Variants in TASP1 observed in about 807,000 individuals in gnomAD.
The protein encoded by TASP1 is threonine aspartase 1.
In TASP1, 16 loss-of-function variants were observed where a neutral mutation model predicts 56.6. That is an observed-to-expected ratio of 0.28 (90% CI 0.19 to 0.43). TASP1 has a LOEUF of 0.43. Among genes scored for constraint, TASP1 ranks in the 20% least tolerant of loss-of-function variants. The probability of loss-of-function intolerance (pLI) is 1.00; values close to 1 mark genes in which losing one functional copy is unlikely to be tolerated. For missense variants in TASP1, 393 were observed against 511.6 expected, an observed-to-expected ratio of 0.77 and a Z score of 2.24; for synonymous variants, 179 against 184.2, an observed-to-expected ratio of 0.97 and a Z score of 0.23.
chr20:13,256,942 G>A, the TASP1 span, among the ~76,000 whole-genome samples: 5 of 152,182 alleles, frequency 3.3e-5, no homozygotes, highest in Non-Finnish European at 7.3e-5. Flanking sequence ...TGTCACTAGG[G>A]AAGATAGGAG....
chr20:13,578,648 G>A (rs1043402733), intron 6 of TASP1, among the ~76,000 whole-genome samples: 1 of 151,832 alleles, frequency 6.6e-6, no homozygotes, highest in Admixed American at 6.6e-5. Context: ...ATGTGACATC[G>A]GAATTTAATG....
At chr20:13,394,171 C>CATG (rs2041414160) in intron 13 of TASP1, among the ~76,000 whole-genome samples, 1 of 149,692 alleles carries the variant, frequency 6.7e-6, no homozygotes, top group Admixed American at 6.6e-5. Context: ...GTAATCCCAG[C>CATG]TACTCCGGAG....
At chr20:13,358,878 A>G in the TASP1 span, among the ~76,000 whole-genome samples, 1 of 148,402 alleles carries the variant, frequency 6.7e-6, no homozygotes, top group Non-Finnish European at 1.5e-5. Context: ...AAGTACCCCA[A>G]CCCCTTCTCT....
At chr20:13,403,816 A>T (rs2041824531) in intron 13 of TASP1, among the ~76,000 whole-genome samples, 1 of 152,086 alleles carries the variant, frequency 6.6e-6, no homozygotes. Flanking sequence ...CAGGAATTTG[A>T]GGTTACAGTG....
At chr20:13,498,378 T>TGA (rs2043814343) in intron 10 of TASP1, among the ~76,000 whole-genome samples, 1 of 141,232 alleles carries the variant, frequency 7.1e-6, no homozygotes, top group Non-Finnish European at 1.5e-5. Flanking sequence ...TGTGTGTGTG[T>TGA]GATGGAGTCT....
intron 8 of TASP1, 106 bp from the exon 9 acceptor site, chr20:13,534,247 T>G (rs2045331871): frequency 3.0e-6 from 4 of 1,342,988 alleles, no homozygotes; most frequent in Non-Finnish European, 4.0e-6. Flanking sequence ...AAATCTAAAC[T>G]AATCCCTAAG....
chr20:13,631,979 G>A (rs542426365), intron 1 of TASP1, among the ~76,000 whole-genome samples: 15 of 152,048 alleles, frequency 9.9e-5, no homozygotes, highest in Admixed American at 5.2e-4. Flanking sequence ...TTGAACCCAG[G>A]AGGTGGAGGT....
intron 7 of TASP1, among the ~76,000 whole-genome samples, chr20:13,561,897 A>G (rs373033379): frequency 2.6e-5 from 4 of 152,280 alleles, no homozygotes; most frequent in African/African-American, 9.6e-5. Context: ...ATAGCAAGAC[A>G]ATATACACAA....
chr20:13,318,160 T>TAAATAAATAAAA, the TASP1 span, among the ~76,000 whole-genome samples: 118 of 151,258 alleles, frequency 7.8e-4, 2 homozygotes, highest in South Asian at 0.013. Flanking sequence ...AATAAATAAA[T>TAAATAAATAAAA]AAAAATGAGC....
the TASP1 span, among the ~76,000 whole-genome samples, chr20:13,239,890 C>T: frequency 6.6e-6 from 1 of 152,192 alleles, no homozygotes; most frequent in Admixed American, 6.5e-5. Context: ...CCACACAATC[C>T]CCCATTTCTG....
intron 10 of TASP1, among the ~76,000 whole-genome samples, chr20:13,485,125 A>G (rs2146527626): frequency 6.6e-6 from 1 of 152,348 alleles, no homozygotes; most frequent in East Asian, 1.9e-4. Context: ...AACTTAAAGT[A>G]TAATAAAAAA....
chr20:13,453,321 A>G (rs1330998948), intron 11 of TASP1, among the ~76,000 whole-genome samples: 3 of 152,128 alleles, frequency 2.0e-5, no homozygotes, highest in African/African-American at 7.2e-5. Context: ...TTGCTATAAA[A>G]GACAGCAACT....
intron 11 of TASP1, among the ~76,000 whole-genome samples, chr20:13,436,747 C>T (rs1055264709): frequency 6.6e-6 from 1 of 152,082 alleles, no homozygotes; most frequent in African/African-American, 2.4e-5. Context: ...AATCCCTTTC[C>T]AGCAACGCAG....
intron 4 of TASP1, 128 bp downstream of exon 4, chr20:13,623,318 C>T (rs2048782106): frequency 3.1e-6 from 2 of 642,342 alleles, no homozygotes; most frequent in Non-Finnish European, 5.2e-6. Context: ...TTCTTCATAA[C>T]TTTGCTAATA....
chr20:13,582,552 A>T (rs1197993660), intron 5 of TASP1, among the ~76,000 whole-genome samples: 5 of 152,206 alleles, frequency 3.3e-5, no homozygotes, highest in Non-Finnish European at 5.9e-5. Context: ...ACCCTGCAAG[A>T]TATCATTTTT....
the TASP1 span, among the ~76,000 whole-genome samples, chr20:13,123,042 A>C: frequency 6.6e-6 from 1 of 152,152 alleles, no homozygotes; most frequent in African/African-American, 2.4e-5. Context: ...ATTGATTAAC[A>C]ATACTCGGCC....
chr20:13,527,832 CTT>C (rs1441285795), intron 10 of TASP1, among the ~76,000 whole-genome samples: 2 of 152,008 alleles, frequency 1.3e-5, no homozygotes, highest in Non-Finnish European at 2.9e-5. Context: ...ACTTTTATGT[CTT>C]TTGTTATCTA....
At chr20:13,433,300 T>A (rs1306929452) in intron 12 of TASP1, among the ~76,000 whole-genome samples, 1 of 152,082 alleles carries the variant, frequency 6.6e-6, no homozygotes, top group Admixed American at 6.6e-5. Flanking sequence ...CTGCAAAGGT[T>A]TTATGTAAAC....
the TASP1 span, among the ~76,000 whole-genome samples, chr20:13,140,676 T>A: frequency 2.0e-5 from 3 of 152,332 alleles, no homozygotes; most frequent in East Asian, 5.8e-4. Context: ...TAAATTTCTA[T>A]TTTTTATTCA....
Sources: allele counts gnomAD v4.1 joint callset (sites outside exome capture counted in the v4.1 genomes callset), GRCh38; gene constraint gnomAD v4.1.1; transcripts MANE v1.5; gene names NCBI Gene and HGNC (gene_info 2026-07-23, HGNC 2026-07-21).